ACTR3C: variants seen among roughly 807,000 people sequenced by gnomAD.
ACTR3C encodes actin related protein 3C.
A neutral mutation model predicts 26.3 loss-of-function variants in ACTR3C; 18 were observed. The observed-to-expected ratio is 0.68, with a 90% CI of 0.47 to 1.01. The LOEUF (loss-of-function observed/expected upper bound fraction) is 1.01. Among genes scored for constraint, ACTR3C ranks in the 50% least tolerant of loss-of-function variants. The probability of loss-of-function intolerance (pLI) is 0.00; values close to 1 mark genes in which losing one functional copy is unlikely to be tolerated. For missense variants in ACTR3C, 184 were observed against 250.7 expected (o/e 0.73, Z 1.80); for synonymous variants, 55 against 94.5 (o/e 0.58, Z 2.42).
chr7:149,920,907 C>T, the ACTR3C span, among the ~76,000 whole-genome samples: 1 of 151,996 alleles, frequency 6.6e-6, no homozygotes, highest in Non-Finnish European at 1.5e-5. Context: ...GCTGGATTTA[C>T]AGGCATGCAC....
At chr7:150,259,948 T>G (rs147049609) in intron 6 of ACTR3C, among the ~76,000 whole-genome samples, 1 of 152,334 alleles carries the variant, frequency 6.6e-6, no homozygotes, top group East Asian at 1.9e-4. Context: ...TCCTGGCATG[T>G]AAGCTCCACA....
the ACTR3C span, among the ~76,000 whole-genome samples, chr7:149,933,316 GC>G: frequency 6.6e-6 from 1 of 151,152 alleles, no homozygotes; most frequent in Non-Finnish European, 1.5e-5. Context: ...CATTGCACTA[GC>G]AAATCTGGCG....
At chr7:150,004,556 G>A in the ACTR3C span, 5 of 152,132 alleles carry the variant, frequency 3.3e-5, no homozygotes, top group African/African-American at 1.2e-4. Context: ...TATGAATATA[G>A]TCCGAAAAAA....
the ACTR3C span, among the ~76,000 whole-genome samples, chr7:150,036,015 G>A: frequency 1.8e-5 from 2 of 111,502 alleles, no homozygotes; most frequent in East Asian, 2.3e-4. Context: ...CGCCCCCAGC[G>A]ATGGGGTCCT....
intron 6 of ACTR3C, among the ~76,000 whole-genome samples, chr7:150,258,650 G>A (rs1380562749): frequency 7.9e-5 from 12 of 152,152 alleles, no homozygotes; most frequent in Non-Finnish European, 1.5e-4. Context: ...CATGGAGAAA[G>A]GCCAAGTGGA....
the ACTR3C span, among the ~76,000 whole-genome samples, chr7:150,071,188 A>G: frequency 2.0e-5 from 3 of 151,320 alleles, no homozygotes; most frequent in Non-Finnish European, 2.9e-5. Flanking sequence ...CAGTGGTGCG[A>G]TCTCAGCTCA....
chr7:150,022,207 C>T, the ACTR3C span, among the ~76,000 whole-genome samples: 23 of 151,934 alleles, frequency 1.5e-4, no homozygotes, highest in Admixed American at 6.6e-5. Flanking sequence ...ATTTGCATTT[C>T]CCTGATCATT....
the ACTR3C span, chr7:150,047,472 C>T: frequency 3.0e-6 from 2 of 672,450 alleles, no homozygotes. Flanking sequence ...CGGAGCCTGT[C>T]TGGGGGCGCC....
chr7:150,066,260 G>T, the ACTR3C span, among the ~76,000 whole-genome samples: 5 of 152,310 alleles, frequency 3.3e-5, no homozygotes, highest in South Asian at 2.1e-4. Flanking sequence ...GTGTGCAGAG[G>T]GGGGATAAAG....
chr7:149,958,579 A>T, the ACTR3C span, among the ~76,000 whole-genome samples: 1 of 152,212 alleles, frequency 6.6e-6, no homozygotes, highest in East Asian at 1.9e-4. Flanking sequence ...TGCTATTTCC[A>T]TTCAGTTGAA....
At chr7:150,216,470 G>A in the ACTR3C span, among the ~76,000 whole-genome samples, 3 of 152,002 alleles carry the variant, frequency 2.0e-5, no homozygotes, top group Non-Finnish European at 2.9e-5. Flanking sequence ...CTGTGTTGCC[G>A]AGACTGGATT....
the ACTR3C span, among the ~76,000 whole-genome samples, chr7:150,220,257 C>T: frequency 6.8e-6 from 1 of 148,128 alleles, no homozygotes; most frequent in Non-Finnish European, 1.5e-5. Context: ...TGTGGCCTTT[C>T]CCCGGGGGAT....
the ACTR3C span, chr7:150,001,149 A>T: frequency 1.3e-5 from 2 of 152,184 alleles, no homozygotes; most frequent in Non-Finnish European, 2.9e-5. Context: ...TCCCCTCCAA[A>T]TGGTGTCTCT....
the ACTR3C span, among the ~76,000 whole-genome samples, chr7:149,938,042 T>C: frequency 6.6e-6 from 1 of 152,130 alleles, no homozygotes; most frequent in Non-Finnish European, 1.5e-5. Flanking sequence ...TCCCGACCCG[T>C]GTTCTAGAGC....
At chr7:150,100,088 TAG>T in the ACTR3C span, among the ~76,000 whole-genome samples, 1 of 151,676 alleles carries the variant, frequency 6.6e-6, no homozygotes, top group Non-Finnish European at 1.5e-5. Context: ...TCTTCTGATA[TAG>T]AGACTGGAAC....
intron 1 of ACTR3C, among the ~76,000 whole-genome samples, chr7:150,300,128 G>A (rs532056231): frequency 6.6e-6 from 1 of 152,142 alleles, no homozygotes; most frequent in East Asian, 1.9e-4. Flanking sequence ...TGAGGTGGGC[G>A]GATCATGAGC....
chr7:150,259,995 A>G (rs1279999668), intron 6 of ACTR3C, among the ~76,000 whole-genome samples: 4 of 152,224 alleles, frequency 2.6e-5, no homozygotes, highest in Admixed American at 2.6e-4. Context: ...CCGTACTGCA[A>G]TATCTAGGTC....
chr7:150,107,989 A>C, the ACTR3C span, among the ~76,000 whole-genome samples: 1 of 151,876 alleles, frequency 6.6e-6, no homozygotes, highest in Non-Finnish European at 1.5e-5. Context: ...TAATTAGAGC[A>C]TAAAGGACTT....
At chr7:150,234,195 C>T in the ACTR3C span, among the ~76,000 whole-genome samples, 1 of 152,046 alleles carries the variant, frequency 6.6e-6, no homozygotes, top group Non-Finnish European at 1.5e-5. Flanking sequence ...GGGAAGTATT[C>T]TATACTCTTA....
Sources: gnomAD v4.1 joint callset for allele counts (sites outside exome capture counted in the v4.1 genomes callset) on GRCh38, gnomAD v4.1.1 for gene constraint, MANE v1.5 for transcripts, NCBI Gene and HGNC (gene_info 2026-07-23, HGNC 2026-07-21) for gene names.